Variants in TRPA1 observed in about 807,000 individuals in gnomAD.
TRPA1 encodes the protein transient receptor potential cation channel subfamily A member 1, also known as ankyrin-like with transmembrane domains 1.
Under a neutral mutation model 131.3 loss-of-function variants are expected in TRPA1, and 129 were observed. The observed-to-expected ratio is 0.98, with a 90% CI of 0.85 to 1.14. TRPA1 has a LOEUF of 1.14. Among genes scored for constraint, TRPA1 ranks in the 50% most tolerant of loss-of-function variants. The pLI is 0.00. For missense variants in TRPA1, 1,304 were observed against 1,354.2 expected (o/e 0.96, Z 0.58); for synonymous variants, 441 against 451.7 (o/e 0.98, Z 0.30).
At chr8:72,043,313 T>A (rs1812319970) in intron 17 of TRPA1, among the ~76,000 whole-genome samples, 1 of 151,904 alleles carries the variant, frequency 6.6e-6, no homozygotes, top group African/African-American at 2.4e-5. Context: ...GTATTTACGT[T>A]TTTACTCAAA....
rs1373760274 is a variant in TRPA1 at position 72,029,940 on chromosome 8, C to A, written c.2898G>T (p.Glu966Asp). ...TCTTCAATGATGCATGTTTCTGGACCTCAGCAATGTCGCCAACTGCCAAAC... is the reference window on the plus strand; with the variant it reads ...TCTTCAATGATGCATGTTTCTGGACATCAGCAATGTCGCCAACTGCCAAAC... Reference protein sequence around the residue: ...LIGLAVGDIAEVQKHASLKRI... With the variant: ...LIGLAVGDIADVQKHASLKRI... Residue 966 changes from glutamate (E) to aspartate (D), a missense_variant, in exon 24 of 27, where the codon GAG (glutamate) becomes GAT (aspartate). Glu to Asp is a conservative substitution (Grantham distance 45). Transcript: ENST00000262209. 1 of 1,613,900 alleles carries A rather than the reference C, an allele frequency of 6.2e-7. No individual in the cohort carries two copies. The highest frequency in any genetic ancestry group is 1.7e-5 in the Admixed American group (1 of 60,014).
At chr8:72,054,814 A>C (rs1214324203) in intron 12 of TRPA1, 1 of 152,446 alleles carries the variant, frequency 6.6e-6, no homozygotes, top group Admixed American at 6.5e-5. Flanking sequence ...TCAAATGAAA[A>C]ACCTCTGTAA....
At chr8:72,049,633 G>T (rs1805442646) in intron 15 of TRPA1, among the ~76,000 whole-genome samples, 1 of 152,074 alleles carries the variant, frequency 6.6e-6, no homozygotes, top group Non-Finnish European at 1.5e-5. Context: ...TGTTTGTCTT[G>T]TCTGGGGTGT....
the TRPA1 span, among the ~76,000 whole-genome samples, chr8:72,086,470 C>CT: frequency 1.3e-5 from 2 of 152,080 alleles, no homozygotes; most frequent in Admixed American, 6.6e-5. Context: ...TTTCTTTTAG[C>CT]TTTTACTGTA....
At chr8:72,037,940 T>A (rs747438167) in intron 20 of TRPA1, 43 bp downstream of exon 20, 1 of 1,194,468 alleles carries the variant, frequency 8.4e-7, no homozygotes, top group Non-Finnish European at 1.2e-6. Flanking sequence ...GTTCTGCATA[T>A]GAAAATATGT....
chr8:72,026,005 G>A lies in TRPA1; in HGVS notation c.3006C>T (p.Ser1002=), dbSNP rs764249430. ...TGGGTTTGTTGGGATACACGATGGT[G>A]GATTTCTGATCCACTTTGCGTAGAA... is the stretch of plus-strand genomic sequence containing the variant. The part of the protein sequence containing the change: ...LWFLRKVDQK[S]TIVYPNKPRS... The change falls in exon 25 of 27, where the codon TCC becomes TCT. Residue 1002 remains serine (S), a synonymous_variant. Coordinates refer to ENST00000262209, the MANE Select transcript of TRPA1 (RefSeq NM_007332.3). The A allele has an allele frequency of 5.4e-5, 87 of 1,613,842 alleles. No homozygotes were observed. Among genetic ancestry groups the A allele is most frequent in the Non-Finnish European group, 7.3e-5 (86 of 1,179,902 alleles).
At chr8:72,044,753 G>C (rs1345789592) in intron 17 of TRPA1, among the ~76,000 whole-genome samples, 1 of 151,768 alleles carries the variant, frequency 6.6e-6, no homozygotes, top group African/African-American at 2.4e-5. Flanking sequence ...TTCTCATCAG[G>C]CCAGTTACCT....
intron 5 of TRPA1, 129 bp from the exon 6 acceptor site, chr8:72,063,073 T>G: frequency 4.2e-6 from 4 of 946,832 alleles, no homozygotes; most frequent in Non-Finnish European, 6.3e-6. Context: ...AGCTTGTGTT[T>G]AATTCTGTTA....
At chr8:72,052,553 C>T (rs1327990290) in intron 14 of TRPA1, 46 bp downstream of exon 14, 4 of 1,610,446 alleles carry the variant, frequency 2.5e-6, no homozygotes, top group Non-Finnish European at 2.5e-6. Flanking sequence ...CAAATCATCC[C>T]AACACCAGAG....
chr8:72,022,665 T>C lies in TRPA1; in HGVS notation c.*241A>G, dbSNP rs1563377221. ...TCTACCCATTCAAATAATGAGATTA[T>C]ATCTCATCAAAGTCCAGTCCAATTT... On this transcript the variant is annotated 3_prime_UTR_variant, in exon 27 of 27. Transcript: ENST00000262209. The C allele has an allele frequency of 1.7e-6, 1 of 575,948 alleles. No homozygotes were observed. Among genetic ancestry groups the C allele is most frequent in the South Asian group, 2.0e-5 (1 of 50,272 alleles). The allele number at this position is 575,948 out of a possible 1,614,324, so 35.7% of individuals were successfully genotyped here.
chr8:72,058,108 C>A (rs542243654), intron 8 of TRPA1, among the ~76,000 whole-genome samples: 4 of 152,084 alleles, frequency 2.6e-5, no homozygotes, highest in Non-Finnish European at 5.9e-5. Context: ...AAAATAATAT[C>A]TTTTTACTTA....
intron 25 of TRPA1, among the ~76,000 whole-genome samples, 189 bp downstream of exon 25, chr8:72,025,771 C>A (rs1261717161): frequency 6.6e-6 from 1 of 152,180 alleles, no homozygotes; most frequent in African/African-American, 2.4e-5. Flanking sequence ...GGAGAGCAAA[C>A]GTCACCCTCC....
chr8:72,083,777 A>AT, the TRPA1 span, among the ~76,000 whole-genome samples: 1 of 140,850 alleles, frequency 7.1e-6, no homozygotes, highest in Non-Finnish European at 1.5e-5. Context: ...ACAAAAAAAA[A>AT]TTTTTCTGTA....
intron 23 of TRPA1, among the ~76,000 whole-genome samples, chr8:72,030,677 G>A (rs1215872585): frequency 2.0e-5 from 3 of 152,092 alleles, no homozygotes; most frequent in African/African-American, 7.2e-5. Context: ...CAACATGGTG[G>A]GAAACTCCAG....
In TRPA1 at chr8:72,075,290, C is replaced by G. The variant is rs1186385275; in HGVS notation, c.111+9G>C. On this transcript the variant is annotated intron_variant, in intron 1 of 26. Coordinates refer to ENST00000262209, the MANE Select transcript of TRPA1 (RefSeq NM_007332.3). ...GGAACCCCTCCAGACCCGCGAGCCC[C>G]CAGAGTACCTTAAGCGATTCCTTGA... The G allele has an allele frequency of 2.5e-6, 4 of 1,610,356 alleles. No individual in the cohort carries two copies. Among genetic ancestry groups the G allele is most frequent in the Non-Finnish European group, 3.4e-6 (4 of 1,177,278 alleles).
chr8:72,045,639 T>C (rs1812403645), intron 17 of TRPA1, among the ~76,000 whole-genome samples: 1 of 151,000 alleles, frequency 6.6e-6, no homozygotes, highest in Non-Finnish European at 1.5e-5. Flanking sequence ...TGCACACAAT[T>C]TTAATTTGTT....
intron 23 of TRPA1, among the ~76,000 whole-genome samples, chr8:72,030,593 C>A (rs1032926231): frequency 3.3e-5 from 5 of 152,082 alleles, no homozygotes; most frequent in Non-Finnish European, 7.4e-5. Context: ...AAATTCATTT[C>A]ATTTAAGATA....
chr8:72,033,797 T>G lies in TRPA1; in HGVS notation c.2715A>C (p.Ile905=). Residue 905 remains isoleucine, a synonymous_variant, in exon 23 of 27, where the codon ATA becomes ATC. Coordinates refer to ENST00000262209, the MANE Select transcript of TRPA1 (RefSeq NM_007332.3). ...QDPFSSPLLS[I]IQTFSMMLGD... is the part of the protein sequence containing the mutation. ...CTAGCATCATGCTGAAGGTCTGGAT[T>G]ATAGAAAGCAATGGAGAGCTGAAGG... is the stretch of plus-strand genomic sequence containing the variant. The G allele has an allele frequency of 1.2e-6, 2 of 1,614,056 alleles. No homozygotes were observed. Among genetic ancestry groups the G allele is most frequent in the Non-Finnish European group, 1.7e-6 (2 of 1,179,980 alleles).
In TRPA1 at chr8:72,055,908, A is replaced by C. The variant is rs564562296; in HGVS notation, c.1195-53T>G. ...ATAACTCTGCTATTATGCTAATATG[A>C]TGGTTTTCAAACTATTCTGTAGGAA... On this transcript the variant is annotated intron_variant, in intron 10 of 26. Coordinates refer to ENST00000262209, the MANE Select transcript of TRPA1 (RefSeq NM_007332.3). 7 of 1,584,632 alleles carry C rather than the reference A, an allele frequency of 4.4e-6. No individual in the cohort carries two copies. The African/African-American group carries it at 8.1e-5, about 18-fold the overall frequency.
Sources: allele counts gnomAD v4.1 joint callset (sites outside exome capture counted in the v4.1 genomes callset), GRCh38; gene constraint gnomAD v4.1.1; transcripts MANE v1.5; gene names NCBI Gene and HGNC (gene_info 2026-07-23, HGNC 2026-07-21).